The following TMEM135 variants were observed in gnomAD, a reference collection of about 807,000 sequenced individuals.
TMEM135 encodes the protein transmembrane protein 135, also known as peroxisomal membrane protein 52.
A neutral mutation model predicts 60.3 loss-of-function variants in TMEM135; 30 were observed. The ratio of observed to expected loss-of-function variants is 0.50; its 90% confidence interval spans 0.37 to 0.68. TMEM135 has a LOEUF of 0.68. Ranked by LOEUF, TMEM135 falls within the 30% of genes least tolerant of loss-of-function variation. The probability of loss-of-function intolerance (pLI) is 0.00; values close to 1 mark genes in which losing one functional copy is unlikely to be tolerated. For missense variants in TMEM135, 468 were observed against 548.8 expected, an observed-to-expected ratio of 0.85 and a Z score of 1.47; for synonymous variants, 190 against 186.7, an observed-to-expected ratio of 1.02 and a Z score of -0.14.
At chr11:87,119,760 G>A (rs75811353) in intron 4 of TMEM135, among the ~76,000 whole-genome samples, 19,606 of 152,210 alleles carry the variant, frequency 0.13, 1,347 homozygotes, top group Middle Eastern at 0.15. Flanking sequence ...TACTAATAAT[G>A]AGAAAGTTTG....
At position 87,182,803 on chromosome 11, in the gene TMEM135, T is replaced by C. The variant is rs115599888; in HGVS notation, c.462+25397T>C. Among the ~76,000 whole-genome samples, 491 of 152,242 alleles carry C rather than the reference T, an allele frequency of 3.2e-3. 5 individuals are homozygous for C. The highest frequency in any genetic ancestry group is 0.011 in the African/African-American group (469 of 41,576). On this transcript the variant is annotated intron_variant, in intron 5 of 14. Transcript: ENST00000305494. ...AGATCTCACTTTTAAAATTGTTTCA[T>C]TTGTGTTTTTAAATTTTTCTCTTGA... is the stretch of plus-strand genomic sequence containing the variant.
rs537676002 is a variant in TMEM135 at position 87,322,064 on chromosome 11, G to A, written c.*731G>A. On this transcript the variant is annotated 3_prime_UTR_variant, in exon 15 of 15. Transcript: ENST00000305494. ...GGGGCAAATGGAAATGGACACATCC[G>A]ATAAAGTTGAAATGTATGTTTTAAT... 1.3e-3 allele frequency: 610 copies of A among 454,400 alleles called. 12 individuals carry two copies. The highest frequency in any genetic ancestry group is 6.4e-3 in the South Asian group (414 of 64,464). The allele number at this position is 454,400 out of a possible 1,614,324, so 28.1% of individuals were successfully genotyped here. A position where few individuals can be genotyped will look rare whatever the true frequency, so the allele number is the denominator to read the frequency against.
intron 5 of TMEM135, among the ~76,000 whole-genome samples, chr11:87,195,372 TCC>T (rs1939920339): frequency 8.1e-6 from 1 of 124,016 alleles, no homozygotes; most frequent in Non-Finnish European, 1.8e-5. Context: ...CTTCCTTCCT[TCC>T]TTCCTTCCTT....
rs191168783 is a variant in TMEM135, at chr11:87,285,745, G to T, written c.510-10037G>T. Among the ~76,000 whole-genome samples the T allele has an allele frequency of 3.2e-3, 480 of 152,296 alleles. 4 individuals carry two copies. Among genetic ancestry groups the T allele is most frequent in the African/African-American group, 0.011 (441 of 41,576 alleles). On this transcript the variant is annotated intron_variant, in intron 6 of 14. Coordinates refer to ENST00000305494, the MANE Select transcript of TMEM135 (RefSeq NM_022918.4). ...CGTGGAAGGGGACCCGAGCAGGTTGGCACTGCTGACTCTGGCAGCTTGCTT... is the reference window on the plus strand; with the variant it reads ...CGTGGAAGGGGACCCGAGCAGGTTGTCACTGCTGACTCTGGCAGCTTGCTT...
chr11:87,226,263 G>T (rs578067894), intron 5 of TMEM135, among the ~76,000 whole-genome samples: 60 of 152,242 alleles, frequency 3.9e-4, no homozygotes, highest in Non-Finnish European at 8.1e-4. Flanking sequence ...AATGTTTTGG[G>T]TGTTTAATGA....
At chr11:87,317,042 A>G (rs567727311) in intron 12 of TMEM135, among the ~76,000 whole-genome samples, 2 of 152,184 alleles carry the variant, frequency 1.3e-5, no homozygotes, top group Non-Finnish European at 2.9e-5. Context: ...AATCAACTGT[A>G]TAGACCATTG....
intron 6 of TMEM135, among the ~76,000 whole-genome samples, chr11:87,269,280 GTTTTT>G (rs374547199): frequency 3.2e-4 from 37 of 115,326 alleles, no homozygotes; most frequent in African/African-American, 1.0e-3. Flanking sequence ...TTGCTTTAGG[GTTTTT>G]TTTTTTTTTT....
At chr11:87,075,936 G>A (rs1250060734) in intron 3 of TMEM135, among the ~76,000 whole-genome samples, 1 of 152,042 alleles carries the variant, frequency 6.6e-6, no homozygotes, top group Non-Finnish European at 1.5e-5. Context: ...CTGAGCATGA[G>A]GTGACACAAG....
intron 4 of TMEM135, among the ~76,000 whole-genome samples, chr11:87,106,397 C>T (rs1457356721): frequency 6.6e-6 from 1 of 152,140 alleles, no homozygotes; most frequent in African/African-American, 2.4e-5. Flanking sequence ...AGCCACTGCA[C>T]CCGGCTAACT....
chr11:87,106,269 A>G (rs1335248568), intron 4 of TMEM135, among the ~76,000 whole-genome samples: 6 of 151,718 alleles, frequency 4.0e-5, no homozygotes. Flanking sequence ...ACGCCTGACT[A>G]CTTTTTGTAT....
chr11:87,258,027 A>C (rs897158281), intron 6 of TMEM135, among the ~76,000 whole-genome samples: 3 of 152,160 alleles, frequency 2.0e-5, no homozygotes, highest in Non-Finnish European at 2.9e-5. Context: ...AATACATTCC[A>C]ATTTAGTATG....
At chr11:87,091,790 TC>T (rs1330612059) in intron 4 of TMEM135, among the ~76,000 whole-genome samples, 1 of 152,114 alleles carries the variant, frequency 6.6e-6, no homozygotes, top group African/African-American at 2.4e-5. Context: ...TGTATGTTCT[TC>T]TTGAATATAA....
chr11:87,053,256 T>A (rs367985205), intron 1 of TMEM135, among the ~76,000 whole-genome samples: 1 of 149,830 alleles, frequency 6.7e-6, no homozygotes, highest in Non-Finnish European at 1.5e-5. Context: ...GTTATGACTT[T>A]GAGAAAAAAA....
chr11:87,190,662 A>G (rs894053106), intron 5 of TMEM135, among the ~76,000 whole-genome samples: 2 of 152,202 alleles, frequency 1.3e-5, no homozygotes, highest in South Asian at 2.1e-4. Flanking sequence ...GGCTACCAGT[A>G]TCACAGAATC....
intron 7 of TMEM135, among the ~76,000 whole-genome samples, chr11:87,299,502 G>T (rs1331904636): frequency 6.6e-6 from 1 of 152,184 alleles, no homozygotes; most frequent in Admixed American, 6.5e-5. Context: ...TGAGATTTGG[G>T]TGGGAACACA....
chr11:87,116,469 A>G (rs1355566809), intron 4 of TMEM135, among the ~76,000 whole-genome samples: 1 of 152,168 alleles, frequency 6.6e-6, no homozygotes, highest in Non-Finnish European at 1.5e-5. Flanking sequence ...CCCACTTGAA[A>G]CTTTTCAGAA....
At position 87,134,552 on chromosome 11, in the gene TMEM135, A is replaced by G. The variant is rs553976723; in HGVS notation, c.397-22789A>G. Among the ~76,000 whole-genome samples, 11 of 152,294 alleles carry G rather than the reference A, an allele frequency of 7.2e-5. No homozygotes were observed. The South Asian group carries it at 2.1e-3, about 29-fold the overall frequency. ...GGCTGGAGTGCAATAGCATTATCAC[A>G]TCTCACTGCAATGCAAACTCCTGGG... On this transcript the variant is annotated intron_variant, in intron 4 of 14. Coordinates refer to ENST00000305494, the MANE Select transcript of TMEM135 (RefSeq NM_022918.4).
At chr11:87,182,134 C>T (rs1016971246) in intron 5 of TMEM135, among the ~76,000 whole-genome samples, 2 of 151,698 alleles carry the variant, frequency 1.3e-5, no homozygotes, top group African/African-American at 4.8e-5. Context: ...CTACTTATTG[C>T]CTTTTCATGA....
intron 4 of TMEM135, among the ~76,000 whole-genome samples, chr11:87,102,911 C>T (rs1441103331): frequency 2.0e-5 from 3 of 152,080 alleles, no homozygotes; most frequent in East Asian, 1.9e-4. Flanking sequence ...TTTCTCTTGT[C>T]TCACTGAAAC....
Sources: allele counts gnomAD v4.1 joint callset (sites outside exome capture counted in the v4.1 genomes callset), GRCh38; gene constraint gnomAD v4.1.1; transcripts MANE v1.5; gene names NCBI Gene and HGNC (gene_info 2026-07-23, HGNC 2026-07-21).